Variants in LINGO2 observed in about 807,000 individuals in gnomAD.
LINGO2 encodes the protein leucine rich repeat and Ig domain containing 2.
Under a neutral mutation model 30.6 loss-of-function variants are expected in LINGO2, and 14 were observed. The observed-to-expected ratio is 0.46, with a 90% CI of 0.30 to 0.72. The LOEUF is 0.72. LINGO2 is among the 30% of genes least tolerant of loss of function. The probability of loss-of-function intolerance (pLI) is 0.07; values close to 1 mark genes in which losing one functional copy is unlikely to be tolerated. For missense variants in LINGO2, 729 were observed against 751.7 expected (o/e 0.97, Z 0.35); for synonymous variants, 317 against 288.5 (o/e 1.10, Z -1.00).
chr9:28,632,875 TATATGTAGAGAGAGAGAG>T (rs1827058605), intron 1 of LINGO2, among the ~76,000 whole-genome samples: 1 of 96,708 alleles, frequency 1.0e-5, no homozygotes, highest in Admixed American at 1.2e-4. Context: ...TATATATATA[TATATGTAGAGAGAGAGAG>T]AGAGAGAGAG....
chr9:28,423,866 A>T (rs1823303832), intron 2 of LINGO2, among the ~76,000 whole-genome samples: 1 of 152,152 alleles, frequency 6.6e-6, no homozygotes, highest in Non-Finnish European at 1.5e-5. Context: ...GGAGTGTTTT[A>T]AAATTATTAT....
At chr9:28,174,711 C>G (rs186952046) in intron 4 of LINGO2, among the ~76,000 whole-genome samples, 1 of 152,282 alleles carries the variant, frequency 6.6e-6, no homozygotes, top group East Asian at 1.9e-4. Flanking sequence ...TGCATGAACA[C>G]TTTTTTATAT....
chr9:28,765,392 G>T, the LINGO2 span, among the ~76,000 whole-genome samples: 1 of 152,058 alleles, frequency 6.6e-6, no homozygotes, highest in African/African-American at 2.4e-5. Flanking sequence ...GTATGTTTTG[G>T]ATATGGTTGT....
intron 1 of LINGO2, among the ~76,000 whole-genome samples, chr9:28,503,985 A>G (rs891543371): frequency 5.3e-5 from 8 of 151,934 alleles, no homozygotes; most frequent in Admixed American, 2.0e-4. Context: ...AATTTAGTGG[A>G]TACTTCTTTA....
intron 3 of LINGO2, among the ~76,000 whole-genome samples, chr9:28,337,253 T>C (rs1825621087): frequency 6.6e-6 from 1 of 151,750 alleles, no homozygotes; most frequent in Admixed American, 6.6e-5. Flanking sequence ...TTAAAGGTAA[T>C]TGCTAGGTTG....
the LINGO2 span, among the ~76,000 whole-genome samples, chr9:28,855,206 A>G: frequency 5.9e-5 from 9 of 151,916 alleles, no homozygotes; most frequent in East Asian, 1.7e-3. Flanking sequence ...ACTATTTGCG[A>G]TCCTCCAAGG....
At chr9:28,467,150 C>A (rs991420861) in intron 2 of LINGO2, among the ~76,000 whole-genome samples, 1 of 151,970 alleles carries the variant, frequency 6.6e-6, no homozygotes, top group Non-Finnish European at 1.5e-5. Context: ...CTCAGCCTCC[C>A]GAGTAGCTGG....
At chr9:28,840,946 G>A in the LINGO2 span, among the ~76,000 whole-genome samples, 2 of 151,702 alleles carry the variant, frequency 1.3e-5, no homozygotes, top group Non-Finnish European at 2.9e-5. Context: ...TCCTACCTTT[G>A]AGTTTTTTCA....
chr9:28,291,833 G>T (rs936691538), intron 4 of LINGO2, among the ~76,000 whole-genome samples: 1 of 152,138 alleles, frequency 6.6e-6, no homozygotes, highest in Non-Finnish European at 1.5e-5. Context: ...AATTCAACTT[G>T]TAGACCCAAG....
chr9:28,490,729 G>A (rs769448146), intron 1 of LINGO2, among the ~76,000 whole-genome samples: 3 of 152,148 alleles, frequency 2.0e-5, no homozygotes, highest in Non-Finnish European at 2.9e-5. Flanking sequence ...GTAGAGAGAA[G>A]TAACATTCTC....
chr9:28,507,118 T>C (rs1401494451), intron 1 of LINGO2, among the ~76,000 whole-genome samples: 3 of 152,054 alleles, frequency 2.0e-5, no homozygotes, highest in South Asian at 2.1e-4. Context: ...AATTCCAAGA[T>C]GATGTCCCAT....
chr9:29,002,137 C>G, the LINGO2 span, among the ~76,000 whole-genome samples: 1 of 151,882 alleles, frequency 6.6e-6, no homozygotes, highest in African/African-American at 2.4e-5. Flanking sequence ...TATTAAAGTC[C>G]CCATTGCTTT....
the LINGO2 span, among the ~76,000 whole-genome samples, chr9:29,059,265 A>C: frequency 6.6e-6 from 1 of 151,776 alleles, no homozygotes; most frequent in Non-Finnish European, 1.5e-5. Flanking sequence ...TAAAAATAGA[A>C]ATTAACATTA....
Position 28,179,026 on chromosome 9 carries a change from A to G in LINGO2, c.-87+116182T>C, listed in dbSNP as rs1271677744. 2.0e-5 allele frequency among the ~76,000 whole-genome samples: 3 copies of G among 152,200 alleles called. No homozygotes were observed. The East Asian group carries it at 5.8e-4, about 29-fold the overall frequency. ...ACTCAAAGGATAATATAGTTTTTGCAGACCTAATAAAATGTACAAAAGTGA... is the reference window on the plus strand; with the variant it reads ...ACTCAAAGGATAATATAGTTTTTGCGGACCTAATAAAATGTACAAAAGTGA... On this transcript the variant is annotated intron_variant, in intron 4 of 5. Transcript: ENST00000379992.
At chr9:29,034,931 G>T in the LINGO2 span, among the ~76,000 whole-genome samples, 1 of 151,986 alleles carries the variant, frequency 6.6e-6, no homozygotes, top group Admixed American at 6.6e-5. Context: ...CTTTAGAAAG[G>T]TGAACAAAAG....
At chr9:28,362,234 A>ACG (rs1564150334) in intron 3 of LINGO2, among the ~76,000 whole-genome samples, 4 of 150,120 alleles carry the variant, frequency 2.7e-5, no homozygotes, top group Admixed American at 1.3e-4. Context: ...GTGTGTGCGC[A>ACG]TGCGCATGTG....
chr9:28,133,679 C>A (rs1346052626), intron 4 of LINGO2, among the ~76,000 whole-genome samples: 1 of 152,178 alleles, frequency 6.6e-6, no homozygotes, highest in African/African-American at 2.4e-5. Flanking sequence ...ACTCAGATTT[C>A]TTTTAAGTGA....
intron 1 of LINGO2, among the ~76,000 whole-genome samples, chr9:28,494,403 T>C (rs893574656): frequency 6.6e-6 from 1 of 152,126 alleles, no homozygotes; most frequent in African/African-American, 2.4e-5. Flanking sequence ...GTATGTGATG[T>C]TCCCCTTCCT....
intron 4 of LINGO2, among the ~76,000 whole-genome samples, chr9:28,016,973 A>G (rs532184859): frequency 6.6e-6 from 1 of 152,304 alleles, no homozygotes; most frequent in East Asian, 1.9e-4. Context: ...CCTGCAGCAT[A>G]TAAAACAGCT....
Sources: allele counts gnomAD v4.1 joint callset (sites outside exome capture counted in the v4.1 genomes callset), GRCh38; gene constraint gnomAD v4.1.1; transcripts MANE v1.5; gene names NCBI Gene and HGNC (gene_info 2026-07-23, HGNC 2026-07-21).